ECT2L: variants seen among roughly 807,000 people sequenced by gnomAD.
The protein encoded by ECT2L is epithelial cell transforming 2 like, also known as epithelial cell-transforming sequence 2 oncogene-like.
In ECT2L, 126 loss-of-function variants were observed where a neutral mutation model predicts 122.8. The observed-to-expected ratio is 1.03, with a 90% CI of 0.89 to 1.19. The LOEUF (loss-of-function observed/expected upper bound fraction) is 1.19, where lower values mean the gene tolerates loss of function less well. Ranked by LOEUF, ECT2L falls within the 50% of genes most tolerant of loss-of-function variation. The pLI, the probability that ECT2L is intolerant of heterozygous loss-of-function variation, is 0.00. For missense variants in ECT2L, 1,012 were observed against 1,064.1 expected, an observed-to-expected ratio of 0.95 and a Z score of 0.68; for synonymous variants, 385 against 381.8, an observed-to-expected ratio of 1.01 and a Z score of -0.10.
intron 4 of ECT2L, among the ~76,000 whole-genome samples, chr6:138,824,004 C>T (rs1254375118): frequency 6.9e-6 from 1 of 145,894 alleles, no homozygotes; most frequent in Non-Finnish European, 1.5e-5. Flanking sequence ...TTAAAATGAA[C>T]AATATAGGAA....
intron 4 of ECT2L, among the ~76,000 whole-genome samples, chr6:138,818,356 C>A (rs150547600): frequency 6.6e-6 from 1 of 152,136 alleles, no homozygotes; most frequent in Non-Finnish European, 1.5e-5. Flanking sequence ...TTCATTACCC[C>A]CTCTTCCATT....
intron 9 of ECT2L, among the ~76,000 whole-genome samples, chr6:138,850,972 C>G (rs1328386915): frequency 1.2e-5 from 1 of 82,794 alleles, no homozygotes; most frequent in African/African-American, 4.9e-5. Context: ...CCAGCCTGGG[C>G]AATAAGAGCG....
intron 12 of ECT2L, 69 bp downstream of exon 12, chr6:138,865,247 G>T: frequency 2.1e-6 from 3 of 1,439,740 alleles, no homozygotes; most frequent in South Asian, 1.5e-5. Flanking sequence ...GTAAATACAA[G>T]TTTAGTTATG....
At chr6:138,868,016 A>AAAT in intron 12 of ECT2L, 87 bp from the exon 13 acceptor site, 12 of 701,696 alleles carry the variant, frequency 1.7e-5, no homozygotes, top group Non-Finnish European at 2.2e-5. Context: ...AAAAAAAAAA[A>AAAT]AAAGAAACTG....
intron 10 of ECT2L, among the ~76,000 whole-genome samples, chr6:138,860,101 A>T (rs1371536830): frequency 6.6e-6 from 1 of 152,156 alleles, no homozygotes; most frequent in Non-Finnish European, 1.5e-5. Context: ...CTGGGATTAC[A>T]GGCATGAGCC....
At chr6:138,873,216 C>T (rs1027566722) in intron 13 of ECT2L, among the ~76,000 whole-genome samples, 3 of 143,700 alleles carry the variant, frequency 2.1e-5, no homozygotes, top group African/African-American at 7.5e-5. Context: ...TCCTTAATGC[C>T]TGGAAATTTG....
At chr6:138,849,090 T>C (rs1427793565) in intron 8 of ECT2L, among the ~76,000 whole-genome samples, 179 bp from the exon 9 acceptor site, 1 of 152,232 alleles carries the variant, frequency 6.6e-6, no homozygotes, top group Non-Finnish European at 1.5e-5. Context: ...AATTTTCTCC[T>C]CCTATAATTA....
At chr6:138,883,183 A>G (rs184811411) in intron 16 of ECT2L, among the ~76,000 whole-genome samples, 53 of 152,354 alleles carry the variant, frequency 3.5e-4, no homozygotes, top group African/African-American at 1.3e-3. Context: ...CCACTCTGCT[A>G]CTACAATCCT....
At chr6:138,832,494 T>C (rs1308107616) in intron 4 of ECT2L, among the ~76,000 whole-genome samples, 2 of 152,218 alleles carry the variant, frequency 1.3e-5, no homozygotes, top group East Asian at 3.9e-4. Context: ...TATGTTTCTA[T>C]GGTAGCTCAG....
chr6:138,895,440 G>C (rs1779175340), intron 20 of ECT2L, among the ~76,000 whole-genome samples: 1 of 152,124 alleles, frequency 6.6e-6, no homozygotes, highest in Non-Finnish European at 1.5e-5. Context: ...TGCTGGTCTG[G>C]AATTTAGAAC....
chr6:138,863,696 ACCT>A (rs935043825), intron 11 of ECT2L, among the ~76,000 whole-genome samples: 3 of 150,986 alleles, frequency 2.0e-5, no homozygotes, highest in Non-Finnish European at 3.0e-5. Context: ...GCTCACTGCA[ACCT>A]CCGCCTCCTG....
At chr6:138,874,324 C>T (rs1342713000) in intron 13 of ECT2L, among the ~76,000 whole-genome samples, 1 of 152,058 alleles carries the variant, frequency 6.6e-6, no homozygotes, top group Non-Finnish European at 1.5e-5. Flanking sequence ...AAAGTTTCTG[C>T]CATGTTACTT....
intron 4 of ECT2L, among the ~76,000 whole-genome samples, chr6:138,830,868 G>C (rs1050042834): frequency 6.6e-6 from 1 of 151,760 alleles, no homozygotes; most frequent in Non-Finnish European, 1.5e-5. Flanking sequence ...CCATACCCAG[G>C]CTTTTATTTA....
intron 5 of ECT2L, among the ~76,000 whole-genome samples, chr6:138,839,152 C>T (rs1217607622): frequency 6.6e-6 from 1 of 152,140 alleles, no homozygotes; most frequent in Non-Finnish European, 1.5e-5. Context: ...TAACTCAGCT[C>T]TAGAAACTGC....
rs1354615807 is a variant in ECT2L, at chr6:138,889,105, C to T, written c.2414+74C>T. 16 of 733,610 alleles carry T rather than the reference C, an allele frequency of 2.2e-5. No individual in the cohort carries two copies. The African/African-American group carries it at 2.9e-4, about 13-fold the overall frequency. The allele number at this position is 733,610 out of a possible 1,614,324, so 45.4% of individuals were successfully genotyped here. A position where few individuals can be genotyped will look rare whatever the true frequency, so the allele number is the denominator to read the frequency against. On this transcript the variant is annotated intron_variant, in intron 20 of 21. Coordinates refer to ENST00000541398, the MANE Select transcript of ECT2L (RefSeq NM_001077706.3). ...TGACTGTCTTACTCATCCTGTAGCTCCAGCATTCAGTACAATGTCTGACAC... is the reference window on the plus strand; with the variant it reads ...TGACTGTCTTACTCATCCTGTAGCTTCAGCATTCAGTACAATGTCTGACAC...
chr6:138,827,005 C>T (rs1776474811), intron 4 of ECT2L, among the ~76,000 whole-genome samples: 1 of 152,156 alleles, frequency 6.6e-6, no homozygotes, highest in Non-Finnish European at 1.5e-5. Context: ...ACCATGCTTC[C>T]TATAAAGCCT....
rs549204657 is a variant in ECT2L at position 138,882,949 on chromosome 6, G to A, written c.2028+78G>A. 6.1e-5 allele frequency: 90 copies of A among 1,479,674 alleles called. No individual in the cohort carries two copies. In the African/African-American group the frequency reaches 1.0e-3, roughly 17 times the overall value. The allele number at this position is 1,479,674 out of a possible 1,614,324, so 91.7% of individuals were successfully genotyped here. ...TACGTGTGGAACCCGAAAGACCAGC[G>A]TTAATAAGAAAGGCTTCTCTGCTCT... On this transcript the variant is annotated intron_variant, in intron 16 of 21. Transcript: ENST00000541398.
chr6:138,861,773 T>C (rs1455667110), intron 10 of ECT2L, among the ~76,000 whole-genome samples: 1 of 152,210 alleles, frequency 6.6e-6, no homozygotes, highest in Non-Finnish European at 1.5e-5. Flanking sequence ...GCAATTGCTT[T>C]TGGTGTTTTA....
chr6:138,844,400 TTTG>T lies in ECT2L; in HGVS notation c.596-9_596-7del. The T allele has an allele frequency of 6.2e-7, 1 of 1,611,914 alleles. No homozygotes were observed. Among genetic ancestry groups the T allele is most frequent in the Non-Finnish European group, 8.5e-7 (1 of 1,178,308 alleles). On this transcript the variant is annotated splice_polypyrimidine_tract_variant and intron_variant, in intron 6 of 21. Transcript: ENST00000541398. ...AAGTAATCAGCCCCGCCTGCTGTTCTTTGTTTTTCAGAGGAGTTATTCAAAGTT... is the reference window on the plus strand; with the variant it reads ...AAGTAATCAGCCCCGCCTGCTGTTCTTTTTTCAGAGGAGTTATTCAAAGTT...
Sources: allele counts gnomAD v4.1 joint callset (sites outside exome capture counted in the v4.1 genomes callset), GRCh38; gene constraint gnomAD v4.1.1; transcripts MANE v1.5; gene names NCBI Gene and HGNC (gene_info 2026-07-23, HGNC 2026-07-21).